Variants in SRFBP1 observed in about 807,000 individuals in gnomAD.
SRFBP1 encodes the protein serum response factor binding protein 1.
A neutral mutation model predicts 45.5 loss-of-function variants in SRFBP1; 47 were observed. The ratio of observed to expected loss-of-function variants is 1.03; its 90% CI spans 0.82 to 1.32. SRFBP1 has a LOEUF of 1.32. SRFBP1 is among the 40% of genes most tolerant of loss of function. The pLI, the probability that SRFBP1 is intolerant of heterozygous loss-of-function variation, is 0.00. For missense variants in SRFBP1, 621 were observed against 484.6 expected, an observed-to-expected ratio of 1.28 and a Z score of -2.64; for synonymous variants, 203 against 166.3, an observed-to-expected ratio of 1.22 and a Z score of -1.70.
At chr5:122,003,055 G>A (rs1218320344) in intron 4 of SRFBP1, among the ~76,000 whole-genome samples, 1 of 152,120 alleles carries the variant, frequency 6.6e-6, no homozygotes, top group Non-Finnish European at 1.5e-5. Context: ...TTCATAAAGA[G>A]AAGAAAGGCT....
At chr5:121,974,726 T>C (rs1355848455) in intron 2 of SRFBP1, among the ~76,000 whole-genome samples, 2 of 151,914 alleles carry the variant, frequency 1.3e-5, no homozygotes, top group African/African-American at 4.8e-5. Context: ...TATTAGAACA[T>C]TGTGTTCCAT....
At chr5:122,068,624 A>C (rs1180344531) in intron 2 of SRFBP1, among the ~76,000 whole-genome samples, 1 of 152,198 alleles carries the variant, frequency 6.6e-6, no homozygotes, top group Non-Finnish European at 1.5e-5. Flanking sequence ...AACAGTGGAC[A>C]AGAGACTAAA....
At chr5:121,965,682 T>G (rs1291371439) in intron 1 of SRFBP1, among the ~76,000 whole-genome samples, 1 of 152,210 alleles carries the variant, frequency 6.6e-6, no homozygotes, top group African/African-American at 2.4e-5. Flanking sequence ...GGCTCTTTTT[T>G]GATTCCATAT....
chr5:121,974,303 T>C lies in SRFBP1; in HGVS notation c.125+19T>C, dbSNP rs952315448. On this transcript the variant is annotated intron_variant, in intron 2 of 7. Coordinates refer to ENST00000339397, the MANE Select transcript of SRFBP1 (RefSeq NM_152546.3). ...CAAAAAAGTTAGTCATTTAAAGTAA[T>C]GATCTTGTGACTAATAAAATGTCAA... 2.6e-6 allele frequency: 4 copies of C among 1,552,576 alleles called. No homozygotes were observed. The highest frequency in any genetic ancestry group is 3.6e-6 in the Non-Finnish European group (4 of 1,125,642).
intron 2 of SRFBP1, among the ~76,000 whole-genome samples, chr5:122,068,329 A>G (rs1364726397): frequency 6.6e-6 from 1 of 152,132 alleles, no homozygotes; most frequent in African/African-American, 2.4e-5. Context: ...ATTAAAAGCA[A>G]GAGACATTCT....
Position 121,996,600 on chromosome 5 carries a change from G to C in SRFBP1, c.270+1930G>C, listed in dbSNP as rs1371101007. 4.7e-4 allele frequency among the ~76,000 whole-genome samples: 22 copies of C among 46,432 alleles called. No individual in the cohort carries two copies. The East Asian group carries it at 0.012, about 25-fold the overall frequency. The allele number at this position is 46,432 out of a possible 152,430, so 30.5% of individuals were successfully genotyped here. A position where few individuals can be genotyped will look rare whatever the true frequency, so the allele number is the denominator to read the frequency against. On this transcript the variant is annotated intron_variant, in intron 4 of 7. Coordinates refer to ENST00000339397, the MANE Select transcript of SRFBP1 (RefSeq NM_152546.3). ...CTGGAAGCATTCCCTTTGAAAACTGGCACAAGACAGGGATGCCCTCTCTCA... is the reference window on the plus strand; with the variant it reads ...CTGGAAGCATTCCCTTTGAAAACTGCCACAAGACAGGGATGCCCTCTCTCA...
chr5:121,976,004 A>G (rs1752295439), intron 3 of SRFBP1, among the ~76,000 whole-genome samples: 1 of 151,956 alleles, frequency 6.6e-6, no homozygotes, highest in South Asian at 2.1e-4. Flanking sequence ...GTTTTACTGT[A>G]GAACTTAAAA....
At chr5:122,070,992 T>G (rs1428675189) in intron 2 of SRFBP1, among the ~76,000 whole-genome samples, 1 of 152,186 alleles carries the variant, frequency 6.6e-6, no homozygotes, top group Admixed American at 6.5e-5. Flanking sequence ...ATTACCTTCT[T>G]GTGCTTTGAA....
chr5:122,005,358 A>T (rs2913408), intron 4 of SRFBP1, among the ~76,000 whole-genome samples: 119,919 of 152,038 alleles, frequency 0.79, 47,629 homozygotes, highest in East Asian at 0.91. Context: ...TACAAGTGTT[A>T]TATCCGTCTG....
chr5:122,033,201 T>G (rs1044174100), downstream of SRFBP1, among the ~76,000 whole-genome samples: 16 of 152,040 alleles, frequency 1.1e-4, no homozygotes, highest in African/African-American at 3.6e-4. Flanking sequence ...TTTTTAAGGT[T>G]TATTTATTAT....
intron 1 of SRFBP1, among the ~76,000 whole-genome samples, chr5:121,972,696 T>C (rs1752224216): frequency 6.6e-6 from 1 of 151,806 alleles, no homozygotes; most frequent in Non-Finnish European, 1.5e-5. Context: ...GTGGTCCTAA[T>C]GAAGTCAAAG....
At chr5:122,074,249 G>T in intron 2 of SRFBP1, 2 of 1,221,250 alleles carry the variant, frequency 1.6e-6, no homozygotes, top group Non-Finnish European at 2.3e-6. Context: ...CTTCCCCCAT[G>T]GCTTCACAAA....
intron 4 of SRFBP1, among the ~76,000 whole-genome samples, chr5:121,998,507 G>T (rs1435847486): frequency 2.5e-5 from 3 of 117,860 alleles, no homozygotes; most frequent in South Asian, 6.3e-4. Context: ...ACACTCTGGG[G>T]ACTGTGGTGG....
At chr5:122,029,678 G>T (rs1753559361), downstream of SRFBP1, among the ~76,000 whole-genome samples, 1 of 152,160 alleles carries the variant, frequency 6.6e-6, no homozygotes. Flanking sequence ...CAGTGAGCTG[G>T]TATACTTGTA....
intron 2 of SRFBP1, among the ~76,000 whole-genome samples, chr5:122,054,953 G>A (rs1041712526): frequency 6.6e-6 from 1 of 152,168 alleles, no homozygotes; most frequent in African/African-American, 2.4e-5. Flanking sequence ...TGTGGGTCAG[G>A]TGACTTATTG....
chr5:122,075,406 A>C, exon 3 of SRFBP1: 2 of 1,608,766 alleles, frequency 1.2e-6, no homozygotes, highest in Non-Finnish European at 1.7e-6. Flanking sequence ...TTACTTACTG[A>C]TGACAACTGT....
chr5:122,045,890 A>C (rs1015662678), intron 2 of SRFBP1, among the ~76,000 whole-genome samples: 1 of 152,058 alleles, frequency 6.6e-6, no homozygotes, highest in Non-Finnish European at 1.5e-5. Flanking sequence ...TTCCAATACT[A>C]TGTTGAATAG....
At chr5:122,004,009 A>G (rs1752931689) in intron 4 of SRFBP1, among the ~76,000 whole-genome samples, 1 of 152,078 alleles carries the variant, frequency 6.6e-6, no homozygotes, top group Non-Finnish European at 1.5e-5. Flanking sequence ...ATCTCAGCTC[A>G]CTGCCACCTC....
At chr5:121,995,154 C>A (rs1455660792) in intron 4 of SRFBP1, among the ~76,000 whole-genome samples, 1 of 151,438 alleles carries the variant, frequency 6.6e-6, no homozygotes, top group African/African-American at 2.4e-5. Flanking sequence ...CAGCTCTGCA[C>A]CAAGCGGACC....
Sources: allele counts gnomAD v4.1 joint callset (sites outside exome capture counted in the v4.1 genomes callset), GRCh38; gene constraint gnomAD v4.1.1; transcripts MANE v1.5; gene names NCBI Gene and HGNC (gene_info 2026-07-23, HGNC 2026-07-21).